The following ZNF609 variants were observed in gnomAD, a reference collection of about 807,000 sequenced individuals.
The protein encoded by ZNF609 is zinc finger protein 609.
Under a neutral mutation model 109.5 loss-of-function variants are expected in ZNF609, and 11 were observed. The ratio of observed to expected loss-of-function variants is 0.10; its 90% CI spans 0.06 to 0.17. The LOEUF (loss-of-function observed/expected upper bound fraction) is 0.17. ZNF609 is among the 10% of genes least tolerant of loss of function. ZNF609 has a pLI of 1.00. For synonymous variants in ZNF609, 646 were observed against 662.0 expected (o/e 0.98, Z 0.37); for missense variants, 1,559 against 1,772.4 (o/e 0.88, Z 2.16).
chr15:64,652,494 T>TC (rs1896433722), intron 3 of ZNF609, among the ~76,000 whole-genome samples: 1 of 150,780 alleles, frequency 6.6e-6, no homozygotes, highest in Non-Finnish European at 1.5e-5. Context: ...TCAGCCATTC[T>TC]CCCCACCTCA....
At position 64,675,634 on chromosome 15, in the gene ZNF609, A is replaced by G. The variant is rs201367455; in HGVS notation, c.2780A>G (p.Lys927Arg). 9.9e-6 allele frequency: 16 copies of G among 1,613,950 alleles called. No individual in the cohort carries two copies. Among genetic ancestry groups the G allele is most frequent in the Non-Finnish European group, 1.4e-5 (16 of 1,180,024 alleles). The change falls in exon 5 of 10, where the codon AAA becomes AGA. Residue 927 changes from lysine to arginine, a missense_variant. Lys to Arg is a conservative substitution (Grantham distance 26). This residue lies in a region of ZNF609 where 1,204 missense variants were observed against 1,314.1 expected (regional missense o/e 0.92). Coordinates refer to ENST00000326648, the MANE Select transcript of ZNF609 (RefSeq NM_015042.2). The part of the protein sequence containing the change: ...AGVESQALKT[K>R]RDEEPESIEG... ...GTGGAGAGCCAGGCCCTGAAGACAA[A>G]AAGGGATGAGGAACCTGAGAGCATA...
intron 1 of ZNF609, among the ~76,000 whole-genome samples, chr15:64,490,337 G>A (rs1036129008): frequency 1.3e-5 from 2 of 149,122 alleles, no homozygotes; most frequent in African/African-American, 5.0e-5. Flanking sequence ...GCAATGGCAC[G>A]GTCTCGGCTC....
intron 3 of ZNF609, among the ~76,000 whole-genome samples, chr15:64,645,086 C>T (rs1896315328): frequency 2.6e-5 from 1 of 38,590 alleles, no homozygotes; most frequent in African/African-American, 8.6e-5. Flanking sequence ...CCTTTCTTTC[C>T]CTCCCTCCCT....
intron 6 of ZNF609, 117 bp downstream of exon 6, chr15:64,678,599 G>A (rs16948172): frequency 0.076 from 107,974 of 1,423,138 alleles, 5,958 homozygotes; most frequent in African/African-American, 0.28. Flanking sequence ...CTTAGATGAC[G>A]GACCTTTTTT....
intron 2 of ZNF609, among the ~76,000 whole-genome samples, chr15:64,552,913 G>T (rs1379357833): frequency 2.6e-5 from 4 of 151,998 alleles, no homozygotes; most frequent in Non-Finnish European, 5.9e-5. Flanking sequence ...TCCCCAGAGT[G>T]CTGGGATTAC....
intron 2 of ZNF609, chr15:64,529,461 A>G: frequency 3.0e-6 from 3 of 1,005,044 alleles, no homozygotes; most frequent in Non-Finnish European, 4.6e-6. Context: ...TGGGGTTTCC[A>G]TTGATGACAA....
intron 2 of ZNF609, among the ~76,000 whole-genome samples, chr15:64,605,843 C>T (rs1325043629): frequency 6.8e-6 from 1 of 147,662 alleles, no homozygotes; most frequent in Non-Finnish European, 1.5e-5. Flanking sequence ...AAGCGATTCT[C>T]CTGCCTCAGT....
intron 3 of ZNF609, among the ~76,000 whole-genome samples, chr15:64,638,948 C>G (rs1896216352): frequency 6.6e-6 from 1 of 151,950 alleles, no homozygotes; most frequent in Non-Finnish European, 1.5e-5. Flanking sequence ...TGCTCCTATT[C>G]TCAATCAGCA....
At chr15:64,510,989 AT>A (rs35191543) in intron 2 of ZNF609, among the ~76,000 whole-genome samples, 104,672 of 127,096 alleles carry the variant, frequency 0.82, 43,359 homozygotes, top group East Asian at 0.91. Flanking sequence ...CATAGCATTG[AT>A]TTTTTTTTTT....
At chr15:64,659,578 A>G (rs1043644964) in intron 3 of ZNF609, among the ~76,000 whole-genome samples, 5 of 152,212 alleles carry the variant, frequency 3.3e-5, no homozygotes, top group Non-Finnish European at 7.3e-5. Context: ...GAGACCGAGA[A>G]GCAAAACACA....
At chr15:64,486,579 TG>T in intron 1 of ZNF609, among the ~76,000 whole-genome samples, 1 of 152,060 alleles carries the variant, frequency 6.6e-6, no homozygotes, top group South Asian at 2.1e-4. Flanking sequence ...AAATTATTTT[TG>T]GTTTCCTATG....
chr15:64,651,101 A>G (rs986568911), intron 3 of ZNF609, among the ~76,000 whole-genome samples: 6 of 152,168 alleles, frequency 3.9e-5, no homozygotes, highest in African/African-American at 1.4e-4. Flanking sequence ...CAAACTATCT[A>G]TAAACATATA....
rs547195833 is a variant in ZNF609 at position 64,547,263 on chromosome 15, A to G, written c.747+47097A>G. Among the ~76,000 whole-genome samples, 3 of 152,300 alleles carry G rather than the reference A, an allele frequency of 2.0e-5. No individual in the cohort carries two copies. The East Asian group carries it at 5.8e-4, about 29-fold the overall frequency. On this transcript the variant is annotated intron_variant, in intron 2 of 9. Coordinates refer to ENST00000326648, the MANE Select transcript of ZNF609 (RefSeq NM_015042.2). Reference sequence around the variant, plus strand: ...TAGATTTCCTAGGCTTTTTGGAGATAGTCATGGTGTTAATATTGGACTTAC... The same window carrying G: ...TAGATTTCCTAGGCTTTTTGGAGATGGTCATGGTGTTAATATTGGACTTAC...
intron 2 of ZNF609, among the ~76,000 whole-genome samples, chr15:64,577,075 C>CAT (rs1288649664): frequency 0.13 from 6,895 of 51,450 alleles, 1,691 homozygotes; most frequent in Non-Finnish European, 0.24. Context: ...TATATATACA[C>CAT]AAATATATAC....
At chr15:64,681,236 C>G (rs1896880862) in intron 8 of ZNF609, 73 bp from the exon 9 acceptor site, 3 of 1,459,382 alleles carry the variant, frequency 2.1e-6, no homozygotes, top group Non-Finnish European at 1.9e-6. Flanking sequence ...TGTCAGCACC[C>G]CAAAACTCAG....
rs763603894 is a variant in ZNF609 at position 64,680,263 on chromosome 15, G to A, written c.3848G>A (p.Arg1283Gln). The change falls in exon 7 of 10, where the codon CGA (arginine) becomes CAA (glutamine). Residue 1283 changes from arginine (R) to glutamine (Q), a missense_variant. This residue lies in a region of ZNF609 where 1,204 missense variants were observed against 1,314.1 expected (regional missense o/e 0.92). Transcript: ENST00000326648. ...VSGGEDADKARASPSVTCKSS... is the reference protein window; with the variant it reads ...VSGGEDADKAQASPSVTCKSS... ...GGTGGTGAAGATGCTGACAAGGCAC[G>A]AGCCAGCCCCAGTGTGACTTGTAAA... The A allele has an allele frequency of 5.6e-6, 9 of 1,614,018 alleles. No individual in the cohort carries two copies. In the East Asian group the frequency reaches 6.7e-5, roughly 12 times the overall value.
At chr15:64,515,825 C>T (rs1387154055) in intron 2 of ZNF609, among the ~76,000 whole-genome samples, 2 of 151,976 alleles carry the variant, frequency 1.3e-5, no homozygotes, top group East Asian at 3.9e-4. Flanking sequence ...GTAATCCCAG[C>T]TACTCGGGAG....
intron 2 of ZNF609, among the ~76,000 whole-genome samples, chr15:64,587,326 T>A (rs1895214598): frequency 6.6e-6 from 1 of 152,180 alleles, no homozygotes; most frequent in African/African-American, 2.4e-5. Context: ...GGTTATTGTT[T>A]AGATGAAACT....
intron 2 of ZNF609, among the ~76,000 whole-genome samples, chr15:64,542,804 A>AC (rs1162454899): frequency 5.9e-5 from 9 of 152,112 alleles, no homozygotes; most frequent in African/African-American, 2.2e-4. Context: ...AACACTTTTT[A>AC]CCTGCATCAT....
Sources: gnomAD v4.1 joint callset for allele counts (sites outside exome capture counted in the v4.1 genomes callset) on GRCh38, gnomAD v4.1.1 for gene constraint, gnomAD v4.1.1 regional missense constraint, MANE v1.5 for transcripts, NCBI Gene and HGNC (gene_info 2026-07-23, HGNC 2026-07-21) for gene names.